Variants in MDGA2 observed in about 807,000 individuals in gnomAD.
MDGA2 encodes MAM domain containing glycosylphosphatidylinositol anchor 2.
Under a neutral mutation model 117.8 loss-of-function variants are expected in MDGA2, and 40 were observed. That is an observed-to-expected ratio of 0.34 (90% CI 0.26 to 0.44). The LOEUF is 0.44. Among genes scored for constraint, MDGA2 ranks in the 20% least tolerant of loss-of-function variants. MDGA2 has a pLI of 1.00. For missense variants in MDGA2, 1,123 were observed against 1,250.6 expected (o/e 0.90, Z 1.54); for synonymous variants, 452 against 439.0 (o/e 1.03, Z -0.37).
intron 5 of MDGA2, 129 bp from the exon 6 acceptor site, chr14:47,097,252 T>C (rs1420945031): frequency 2.3e-6 from 2 of 887,942 alleles, no homozygotes; most frequent in Non-Finnish European, 1.7e-6. Flanking sequence ...AAAATCATAC[T>C]GTATTACTCA....
At chr14:47,520,025 T>A (rs1374609504) in intron 1 of MDGA2, among the ~76,000 whole-genome samples, 1 of 152,202 alleles carries the variant, frequency 6.6e-6, no homozygotes, top group East Asian at 1.9e-4. Context: ...CTCATATTTT[T>A]AAAGTCATTT....
intron 3 of MDGA2, among the ~76,000 whole-genome samples, chr14:47,146,688 T>C (rs1332053438): frequency 3.3e-5 from 5 of 152,200 alleles, no homozygotes; most frequent in Non-Finnish European, 7.3e-5. Context: ...TTAGAAGTTA[T>C]GAGCTGTATG....
At chr14:47,557,706 G>A (rs1315431235) in intron 1 of MDGA2, among the ~76,000 whole-genome samples, 2 of 152,170 alleles carry the variant, frequency 1.3e-5, no homozygotes, top group Non-Finnish European at 2.9e-5. Flanking sequence ...ATGGCATCAT[G>A]TTCTACGTCA....
At chr14:47,044,735 A>C (rs1594561042) in intron 7 of MDGA2, among the ~76,000 whole-genome samples, 2 of 152,234 alleles carry the variant, frequency 1.3e-5, no homozygotes, top group East Asian at 3.8e-4. Context: ...CTAGCAATTG[A>C]ACAGGAAGAA....
At chr14:47,533,838 A>T (rs1895151708) in intron 1 of MDGA2, among the ~76,000 whole-genome samples, 1 of 152,212 alleles carries the variant, frequency 6.6e-6, no homozygotes, top group African/African-American at 2.4e-5. Context: ...GTAGGTCCCA[A>T]ATATCTATTT....
intron 2 of MDGA2, among the ~76,000 whole-genome samples, chr14:47,237,307 G>T (rs879485724): frequency 2.0e-5 from 3 of 152,006 alleles, no homozygotes; most frequent in Non-Finnish European, 2.9e-5. Flanking sequence ...ATAATCAAAT[G>T]ATTTGCAACA....
chr14:47,132,029 C>T (rs1252085643), intron 4 of MDGA2, among the ~76,000 whole-genome samples, 183 bp from the exon 5 acceptor site: 1 of 151,844 alleles, frequency 6.6e-6, no homozygotes, highest in East Asian at 1.9e-4. Flanking sequence ...TTTAAAATAA[C>T]ACTGCATTTT....
At chr14:47,436,240 AT>A (rs1176154280) in intron 1 of MDGA2, among the ~76,000 whole-genome samples, 1 of 152,154 alleles carries the variant, frequency 6.6e-6, no homozygotes, top group East Asian at 1.9e-4. Flanking sequence ...GAAATTCAAG[AT>A]TTTTTAAATG....
chr14:47,006,865 C>T (rs1887729908), intron 8 of MDGA2, among the ~76,000 whole-genome samples: 1 of 151,576 alleles, frequency 6.6e-6, no homozygotes, highest in Admixed American at 6.6e-5. Context: ...AGATGTAAAA[C>T]AGAAAAGTAT....
intron 1 of MDGA2, among the ~76,000 whole-genome samples, chr14:47,320,804 C>G (rs1262269041): frequency 2.6e-5 from 4 of 151,986 alleles, no homozygotes; most frequent in Non-Finnish European, 5.9e-5. Context: ...TCTATTTTTC[C>G]TGGAGGGGAA....
chr14:47,176,895 C>A (rs1267034550), intron 3 of MDGA2, among the ~76,000 whole-genome samples: 2 of 152,080 alleles, frequency 1.3e-5, no homozygotes, highest in Admixed American at 6.6e-5. Context: ...TTTTCGCAAC[C>A]TACTCATCTG....
At chr14:47,606,409 T>C (rs751399752) in intron 1 of MDGA2, among the ~76,000 whole-genome samples, 3 of 152,232 alleles carry the variant, frequency 2.0e-5, no homozygotes, top group Non-Finnish European at 4.4e-5. Flanking sequence ...TTAAATTGTA[T>C]CTATTGTGTG....
At chr14:47,649,756 A>G (rs1450059842) in intron 1 of MDGA2, among the ~76,000 whole-genome samples, 1 of 152,128 alleles carries the variant, frequency 6.6e-6, no homozygotes, top group Non-Finnish European at 1.5e-5. Flanking sequence ...TATAATAAGT[A>G]CTCAGAGAGA....
At chr14:46,967,954 G>GT (rs1350176855) in intron 8 of MDGA2, among the ~76,000 whole-genome samples, 2 of 152,074 alleles carry the variant, frequency 1.3e-5, no homozygotes, top group African/African-American at 4.8e-5. Flanking sequence ...CCGGGAAAGA[G>GT]TGAGTGACTG....
chr14:47,059,442 A>G (rs1156320191), intron 7 of MDGA2: 2 of 518,468 alleles, frequency 3.9e-6, no homozygotes, highest in Non-Finnish European at 6.3e-6. Context: ...CCAATCTCTT[A>G]TTACTAATCT....
intron 5 of MDGA2, among the ~76,000 whole-genome samples, chr14:47,111,607 A>G (rs1016546077): frequency 1.3e-5 from 2 of 152,190 alleles, no homozygotes; most frequent in Non-Finnish European, 2.9e-5. Context: ...TGCTCTGGAT[A>G]TGTTCACATC....
intron 5 of MDGA2, among the ~76,000 whole-genome samples, chr14:47,114,652 C>T (rs780337822): frequency 7.9e-5 from 12 of 151,980 alleles, no homozygotes; most frequent in Non-Finnish European, 1.3e-4. Flanking sequence ...ACAAACCTGA[C>T]AAAAACAAGC....
intron 6 of MDGA2, among the ~76,000 whole-genome samples, chr14:47,084,086 G>A (rs1450484712): frequency 6.6e-6 from 1 of 152,056 alleles, no homozygotes; most frequent in East Asian, 1.9e-4. Context: ...CATTTATCGA[G>A]CATTATCCCA....
At chr14:47,424,525 C>A (rs945418877) in intron 1 of MDGA2, among the ~76,000 whole-genome samples, 26 of 152,060 alleles carry the variant, frequency 1.7e-4, no homozygotes, top group African/African-American at 6.3e-4. Context: ...AGAACTATAT[C>A]CCTTATACTC....
Sources: gnomAD v4.1 joint callset for allele counts (sites outside exome capture counted in the v4.1 genomes callset) on GRCh38, gnomAD v4.1.1 for gene constraint, MANE v1.5 for transcripts, NCBI Gene and HGNC (gene_info 2026-07-23, HGNC 2026-07-21) for gene names.